GHR: variants seen among roughly 807,000 people sequenced by gnomAD.
The protein encoded by GHR is GH receptor.
In GHR, 35 loss-of-function variants were observed where a neutral mutation model predicts 67.1. The ratio of observed to expected loss-of-function variants is 0.52; its 90% confidence interval spans 0.40 to 0.69. The LOEUF (loss-of-function observed/expected upper bound fraction) is 0.69, where lower values mean the gene tolerates loss of function less well. GHR is among the 30% of genes least tolerant of loss of function. The probability of loss-of-function intolerance (pLI) is 0.00; values close to 1 mark genes in which losing one functional copy is unlikely to be tolerated. For missense variants in GHR, 792 were observed against 764.6 expected (o/e 1.04, Z -0.42); for synonymous variants, 272 against 269.1 (o/e 1.01, Z -0.10).
At chr5:42,579,134 GATAGATGATAGATAGATATAGAT>G (rs1750980831) in intron 2 of GHR, among the ~76,000 whole-genome samples, 1 of 58,608 alleles carries the variant, frequency 1.7e-5, no homozygotes, top group African/African-American at 7.1e-5. Context: ...TAGATAGATA[GATAGATGATAGATAGATATAGAT>G]AGATAGATAG....
At chr5:42,436,048 T>C (rs1186225910) in intron 1 of GHR, among the ~76,000 whole-genome samples, 1 of 152,222 alleles carries the variant, frequency 6.6e-6, no homozygotes, top group Non-Finnish European at 1.5e-5. Flanking sequence ...TGATTTTGAA[T>C]GTGTGCCCTG....
chr5:42,524,816 G>A (rs1327016069), intron 1 of GHR, among the ~76,000 whole-genome samples: 1 of 152,196 alleles, frequency 6.6e-6, no homozygotes, highest in Non-Finnish European at 1.5e-5. Context: ...GCTGAAAAGG[G>A]CCAACACAGA....
chr5:42,649,125 ATACT>A (rs1754890738), intron 3 of GHR, among the ~76,000 whole-genome samples: 1 of 152,208 alleles, frequency 6.6e-6, no homozygotes. Context: ...TCTGACACTG[ATACT>A]TACTAGCTGT....
intron 1 of GHR, among the ~76,000 whole-genome samples, chr5:42,550,658 C>T (rs1741846473): frequency 6.6e-6 from 1 of 152,092 alleles, no homozygotes; most frequent in African/African-American, 2.4e-5. Flanking sequence ...ATTTTTCTGC[C>T]TGTTTGTCTT....
At chr5:42,471,678 GT>G in intron 1 of GHR, among the ~76,000 whole-genome samples, 1 of 152,146 alleles carries the variant, frequency 6.6e-6, no homozygotes, top group Non-Finnish European at 1.5e-5. Context: ...TATTTGTTAA[GT>G]GCCTAGAACT....
chr5:42,583,876 A>AAG (rs929930220), intron 2 of GHR, among the ~76,000 whole-genome samples: 1 of 143,178 alleles, frequency 7.0e-6, no homozygotes, highest in Non-Finnish European at 1.5e-5. Flanking sequence ...TCTTTAAATA[A>AAG]AGATATATAT....
Position 42,424,272 on chromosome 5 carries a change from A to T in GHR, c.-12+317A>T. On this transcript the variant is annotated intron_variant, in intron 1 of 9. Coordinates refer to ENST00000230882, the MANE Select transcript of GHR (RefSeq NM_000163.5). This position sits in a 1 kb window ranked among gnomAD's most constrained non-coding sequence, Gnocchi z 4.1. ...TTGCGGGCGACAGACGAACCATCAC[A>T]CTCTGGCGTCTGCTCTGGCCCGCGA... Among the ~76,000 whole-genome samples the T allele has an allele frequency of 6.7e-6, 1 of 149,534 alleles. No homozygotes were observed. The highest frequency in any genetic ancestry group is 2.0e-4 in the East Asian group (1 of 4,976).
chr5:42,614,559 ATTTTTTTTTTTTTT>A (rs553365880), intron 2 of GHR, among the ~76,000 whole-genome samples: 17 of 65,408 alleles, frequency 2.6e-4, no homozygotes, highest in South Asian at 1.7e-3. Flanking sequence ...CATAGAGGAC[ATTTTTTTTTTTTTT>A]TTTTTTTTTT....
chr5:42,561,593 C>CTACA (rs1439887869), intron 1 of GHR, among the ~76,000 whole-genome samples: 2 of 152,152 alleles, frequency 1.3e-5, no homozygotes, highest in Non-Finnish European at 2.9e-5. Flanking sequence ...GCTGGGCAGT[C>CTACA]TACAGATTTA....
At chr5:42,461,160 A>G (rs1454254141) in intron 1 of GHR, among the ~76,000 whole-genome samples, 1 of 152,180 alleles carries the variant, frequency 6.6e-6, no homozygotes, top group Non-Finnish European at 1.5e-5. Flanking sequence ...GGTCCTAGCA[A>G]AGGAGGACAC....
rs1469358000 is a variant in GHR, at chr5:42,718,773, T to A, written c.1266T>A (p.Asp422Glu). The A allele has an allele frequency of 6.2e-7, 1 of 1,614,082 alleles. No homozygotes were observed. Among genetic ancestry groups the A allele is most frequent in the South Asian group, 1.1e-5 (1 of 91,080 alleles). The change falls in exon 10 of 10, where the codon GAT becomes GAA. Residue 422 changes from aspartate to glutamate, a missense_variant. By Grantham distance (45) the Asp-to-Glu change is conservative. Transcript: ENST00000230882. ...CACAGAGGTTAAAAGGGGAAGCAGA[T>A]CTCTTATGCCTTGACCAGAAGAATC... The part of the protein sequence containing the change: ...AQPQRLKGEA[D>E]LLCLDQKNQN...
intron 1 of GHR, among the ~76,000 whole-genome samples, chr5:42,562,852 T>C (rs752570904): frequency 2.0e-5 from 3 of 151,992 alleles, no homozygotes; most frequent in Non-Finnish European, 2.9e-5. Context: ...GGTTTCACCA[T>C]GTTGGCCAGG....
intron 1 of GHR, among the ~76,000 whole-genome samples, chr5:42,516,982 G>C (rs182625512): frequency 2.0e-5 from 3 of 151,406 alleles, no homozygotes; most frequent in African/African-American, 4.9e-5. Context: ...TTTAGGGGGA[G>C]AAAAAACTTA....
At chr5:42,600,948 C>T (rs1237682979) in intron 2 of GHR, among the ~76,000 whole-genome samples, 22 of 35,938 alleles carry the variant, frequency 6.1e-4, no homozygotes, top group South Asian at 3.6e-3. Context: ...TTTTTTGTGA[C>T]GGAGTTTTGC....
At chr5:42,575,926 C>T (rs867880029) in intron 2 of GHR, among the ~76,000 whole-genome samples, 18 of 151,010 alleles carry the variant, frequency 1.2e-4, no homozygotes, top group African/African-American at 2.7e-4. Flanking sequence ...CCCAGCTGCT[C>T]GGGAGGCTGA....
At chr5:42,705,327 G>T (rs1327325616) in intron 6 of GHR, among the ~76,000 whole-genome samples, 2 of 151,916 alleles carry the variant, frequency 1.3e-5, no homozygotes, top group African/African-American at 2.4e-5. Flanking sequence ...CTCTTAGAAC[G>T]ACTTTTACTG....
At chr5:42,687,493 T>A (rs1156908139) in intron 3 of GHR, among the ~76,000 whole-genome samples, 1 of 152,212 alleles carries the variant, frequency 6.6e-6, no homozygotes, top group Non-Finnish European at 1.5e-5. Flanking sequence ...TTTTATCAAC[T>A]TGTTCATTTC....
At chr5:42,709,560 T>C (rs911907229) in intron 6 of GHR, among the ~76,000 whole-genome samples, 1 of 152,196 alleles carries the variant, frequency 6.6e-6, no homozygotes. Flanking sequence ...TTATTCATGA[T>C]ATCTGTGCCA....
At chr5:42,660,312 T>A (rs1755516385) in intron 3 of GHR, among the ~76,000 whole-genome samples, 1 of 152,294 alleles carries the variant, frequency 6.6e-6, no homozygotes, top group East Asian at 1.9e-4. Context: ...CCTCCTCAAG[T>A]GGGTCCCTGA....
Sources: gnomAD v4.1 joint callset for allele counts (sites outside exome capture counted in the v4.1 genomes callset) on GRCh38, gnomAD v4.1.1 for gene constraint, Gnocchi (gnomAD v3.1) non-coding constraint, MANE v1.5 for transcripts, NCBI Gene and HGNC (gene_info 2026-07-23, HGNC 2026-07-21) for gene names.